SRGAP3: variants seen among roughly 807,000 people sequenced by gnomAD.
SRGAP3 encodes SLIT-ROBO Rho GTPase-activating protein 3.
SRGAP3 carries 39 observed loss-of-function variants against 121.1 expected under a neutral mutation model. The observed-to-expected ratio is 0.32, with a 90% CI of 0.25 to 0.42. SRGAP3 has a LOEUF of 0.42. Ranked by LOEUF, SRGAP3 falls within the 10% of genes least tolerant of loss-of-function variation. The pLI is 1.00. For synonymous variants in SRGAP3, 601 were observed against 570.0 expected, an observed-to-expected ratio of 1.05 and a Z score of -0.77; for missense variants, 1,213 against 1,470.6, an observed-to-expected ratio of 0.82 and a Z score of 2.86.
intron 3 of SRGAP3, among the ~76,000 whole-genome samples, chr3:9,086,637 C>A: frequency 7.5e-6 from 1 of 132,668 alleles, no homozygotes; most frequent in Non-Finnish European, 1.7e-5. Context: ...ATATATACAC[C>A]CACATATACA....
intron 1 of SRGAP3, among the ~76,000 whole-genome samples, chr3:9,167,564 TA>T (rs139576375): frequency 3.3e-5 from 5 of 152,242 alleles, no homozygotes; most frequent in East Asian, 1.9e-4. Context: ...TGTCAACGCC[TA>T]GGGGGGGAGC....
intron 1 of SRGAP3, among the ~76,000 whole-genome samples, chr3:9,148,757 A>G (rs1447798551): frequency 6.6e-6 from 1 of 152,128 alleles, no homozygotes; most frequent in African/African-American, 2.4e-5. Flanking sequence ...GCTCCTCCCC[A>G]GTTCTGGGGG....
chr3:9,021,035 G>T (rs912789814), intron 14 of SRGAP3, among the ~76,000 whole-genome samples: 1 of 152,196 alleles, frequency 6.6e-6, no homozygotes. Context: ...CTGGAAGCTT[G>T]GAGTCAGTCT....
intron 7 of SRGAP3, among the ~76,000 whole-genome samples, chr3:9,057,529 C>A (rs1007990291): frequency 6.6e-6 from 1 of 152,176 alleles, no homozygotes; most frequent in African/African-American, 2.4e-5. Context: ...GCCATCTTCT[C>A]GGATGCCTCC....
chr3:9,124,440 T>A (rs534890433), intron 2 of SRGAP3, among the ~76,000 whole-genome samples: 21 of 152,330 alleles, frequency 1.4e-4, no homozygotes, highest in African/African-American at 4.8e-4. Flanking sequence ...AGCATAATAA[T>A]AACAGCAACA....
At chr3:9,101,918 G>C (rs79323151) in intron 3 of SRGAP3, among the ~76,000 whole-genome samples, 3,464 of 152,258 alleles carry the variant, frequency 0.023, 128 homozygotes, top group African/African-American at 0.079. Flanking sequence ...CTAGTCATAA[G>C]AACAGACTCC....
chr3:9,349,212 T>C lies in SRGAP3; in HGVS notation n.214+13628A>G. 5 of 668,272 alleles carry C rather than the reference T, an allele frequency of 7.5e-6. 1 individual carries two copies. Among genetic ancestry groups the C allele is most frequent in the South Asian group, 4.2e-5 (3 of 71,024 alleles). The allele number at this position is 668,272 out of a possible 1,614,324, so 41.4% of individuals were successfully genotyped here. On this transcript the variant is annotated intron_variant and non_coding_transcript_variant, in intron 1 of 3. Coordinates refer to the SRGAP3 transcript ENST00000490889. ...AAGTAAAGGCCAGCGGGCAGGCTACTGTCCCCAGGAGCACCCTCCCTGCCC... is the reference window on the plus strand; with the variant it reads ...AAGTAAAGGCCAGCGGGCAGGCTACCGTCCCCAGGAGCACCCTCCCTGCCC...
At chr3:9,153,827 T>C (rs1950296076) in intron 1 of SRGAP3, among the ~76,000 whole-genome samples, 1 of 152,214 alleles carries the variant, frequency 6.6e-6, no homozygotes, top group South Asian at 2.1e-4. Flanking sequence ...GTGCATTATA[T>C]TCTAAGGGCA....
intron 18 of SRGAP3, chr3:9,007,789 C>T (rs1367039939): frequency 6.6e-6 from 1 of 152,126 alleles, no homozygotes; most frequent in Non-Finnish European, 1.5e-5. Context: ...GATTACATGA[C>T]CATAAGGACT....
At chr3:9,338,840 A>G (rs1414485668) in intron 1 of SRGAP3, among the ~76,000 whole-genome samples, 1 of 152,248 alleles carries the variant, frequency 6.6e-6, no homozygotes, top group African/African-American at 2.4e-5. Context: ...TGCTCTCATT[A>G]CATGCCAAAC....
intron 1 of SRGAP3, among the ~76,000 whole-genome samples, chr3:9,232,901 C>T (rs1209824464): frequency 2.0e-5 from 3 of 152,212 alleles, no homozygotes; most frequent in Admixed American, 2.0e-4. Context: ...TCATGCCTGT[C>T]TACAACTTAC....
At chr3:9,281,461 T>A (rs543044726) in intron 3 of SRGAP3, among the ~76,000 whole-genome samples, 1 of 152,192 alleles carries the variant, frequency 6.6e-6, no homozygotes, top group South Asian at 2.1e-4. Context: ...AAAATAAGGA[T>A]CCCCTCTTGG....
chr3:9,357,653 G>C (rs1022567901), intron 1 of SRGAP3, among the ~76,000 whole-genome samples: 9 of 150,704 alleles, frequency 6.0e-5, no homozygotes, highest in South Asian at 4.2e-4. Flanking sequence ...AAGAGCCTTT[G>C]CAAGGAACAG....
chr3:9,192,745 C>A (rs919312540), intron 1 of SRGAP3: 1 of 152,090 alleles, frequency 6.6e-6, no homozygotes, highest in Non-Finnish European at 1.5e-5. Flanking sequence ...GTTTTGGGAC[C>A]CCCATCACAG....
intron 3 of SRGAP3, among the ~76,000 whole-genome samples, chr3:9,316,894 T>G (rs1292782622): frequency 2.0e-5 from 3 of 152,132 alleles, no homozygotes; most frequent in African/African-American, 7.2e-5. Context: ...CTGAGTTTTT[T>G]TAAAGCCTGA....
rs996743244 is a variant in SRGAP3 at position 8,985,352 on chromosome 3, G to A, written c.*167C>T. 6 of 1,378,400 alleles carry A rather than the reference G, an allele frequency of 4.4e-6. No homozygotes were observed. The African/African-American group carries it at 6.0e-5, about 14-fold the overall frequency. 85.4% of individuals were successfully genotyped at this position (1,378,400 alleles called of 1,614,324 possible). On this transcript the variant is annotated 3_prime_UTR_variant, in exon 22 of 22. Coordinates refer to ENST00000383836, the MANE Select transcript of SRGAP3 (RefSeq NM_014850.4). The surrounding 1 kb of genome is among the most constrained non-coding windows in gnomAD (Gnocchi z 5.1). ...GTCCGTGGGATTCCCATGGCTGGAC[G>A]TGAGCTGCAGCCAGCGCCCGGGCCT... is the stretch of plus-strand genomic sequence containing the variant.
At chr3:9,064,705 C>T in intron 4 of SRGAP3, 124 bp from the exon 5 acceptor site, 1 of 1,034,490 alleles carries the variant, frequency 9.7e-7, no homozygotes, top group Non-Finnish European at 1.4e-6. Context: ...CCAAAACACA[C>T]TCTGGGCACC....
intron 3 of SRGAP3, among the ~76,000 whole-genome samples, chr3:9,302,652 C>T (rs551382478): frequency 2.0e-5 from 3 of 152,294 alleles, no homozygotes; most frequent in Admixed American, 6.5e-5. Context: ...AGCTTAGACA[C>T]GCTCAAAACC....
At chr3:9,154,156 C>T (rs1277048524) in intron 1 of SRGAP3, among the ~76,000 whole-genome samples, 1 of 152,138 alleles carries the variant, frequency 6.6e-6, no homozygotes, top group Admixed American at 6.5e-5. Flanking sequence ...CTAATTAAAG[C>T]CCTGGCTGAC....
Sources: allele counts gnomAD v4.1 joint callset (sites outside exome capture counted in the v4.1 genomes callset), GRCh38; gene constraint gnomAD v4.1.1; non-coding constraint Gnocchi (gnomAD v3.1); transcripts MANE v1.5; gene names NCBI Gene and HGNC (gene_info 2026-07-23, HGNC 2026-07-21).